Variants in TMEM87B observed in about 807,000 individuals in gnomAD.
The protein encoded by TMEM87B is transmembrane protein 87B.
TMEM87B carries 83 observed loss-of-function variants against 80.3 expected under a neutral mutation model. That is an observed-to-expected ratio of 1.03 (90% CI 0.87 to 1.24). The LOEUF (loss-of-function observed/expected upper bound fraction) is 1.24. Ranked by LOEUF, TMEM87B falls within the 50% of genes most tolerant of loss-of-function variation. TMEM87B has a pLI of 0.00. For missense variants in TMEM87B, 625 were observed against 674.4 expected, an observed-to-expected ratio of 0.93 and a Z score of 0.81; for synonymous variants, 219 against 230.5, an observed-to-expected ratio of 0.95 and a Z score of 0.45.
At chr2:112,084,830 C>T (rs980180228) in intron 8 of TMEM87B, among the ~76,000 whole-genome samples, 4 of 152,186 alleles carry the variant, frequency 2.6e-5, no homozygotes, top group African/African-American at 9.7e-5. Context: ...TGTTCCTCTC[C>T]AAACCATTGT....
At position 112,059,900 on chromosome 2, in the gene TMEM87B, C is replaced by T. The variant is rs970746942; in HGVS notation, c.166-77C>T. 3.3e-6 allele frequency: 5 copies of T among 1,524,964 alleles called. No homozygotes were observed. In the African/African-American group the frequency reaches 5.6e-5, roughly 17 times the overall value. 94.5% of individuals were successfully genotyped at this position (1,524,964 alleles called of 1,614,324 possible). ...AGAGAGAGGAGTGCAAGGCTTAGAA[C>T]TCTATATGTTGTGGGGTAAAACAGT... On this transcript the variant is annotated intron_variant, in intron 1 of 18. Coordinates refer to ENST00000283206, the MANE Select transcript of TMEM87B (RefSeq NM_032824.3).
chr2:112,067,746 C>T (rs1678480029), intron 4 of TMEM87B, among the ~76,000 whole-genome samples: 1 of 152,236 alleles, frequency 6.6e-6, no homozygotes, highest in African/African-American at 2.4e-5. Flanking sequence ...TTGCATCCAT[C>T]ATCCCATCAA....
intron 15 of TMEM87B, 134 bp downstream of exon 15, chr2:112,100,829 C>G (rs960868055): frequency 7.5e-6 from 4 of 530,314 alleles, no homozygotes; most frequent in Non-Finnish European, 1.3e-5. Context: ...TCTTCAGAAA[C>G]CTTATTTTGG....
chr2:112,085,641 G>A (rs963215732), intron 8 of TMEM87B, among the ~76,000 whole-genome samples: 15 of 152,238 alleles, frequency 9.9e-5, no homozygotes, highest in African/African-American at 3.6e-4. Flanking sequence ...TACATGATGA[G>A]GAGATCCTGG....
At chr2:112,106,795 T>C (rs1233264481) in intron 16 of TMEM87B, among the ~76,000 whole-genome samples, 1 of 152,228 alleles carries the variant, frequency 6.6e-6, no homozygotes, top group Non-Finnish European at 1.5e-5. Flanking sequence ...TCTGACACGA[T>C]AGATAATATG....
At chr2:112,062,532 G>A (rs11690440) in intron 2 of TMEM87B, among the ~76,000 whole-genome samples, 34,074 of 152,168 alleles carry the variant, frequency 0.22, 4,231 homozygotes, top group Middle Eastern at 0.39. Flanking sequence ...CATACTGTCA[G>A]TTCTTCCCAG....
chr2:112,111,350 A>G (rs937988816), intron 17 of TMEM87B, among the ~76,000 whole-genome samples: 7 of 152,210 alleles, frequency 4.6e-5, no homozygotes, highest in African/African-American at 1.2e-4. Context: ...CTGGAAACCA[A>G]TAAGGCTCCT....
At chr2:112,077,088 A>G (rs1160142376) in intron 5 of TMEM87B, 104 bp from the exon 6 acceptor site, 1 of 537,838 alleles carries the variant, frequency 1.9e-6, no homozygotes, top group Non-Finnish European at 3.2e-6. Flanking sequence ...AAATTTAAAA[A>G]GTAACCCGAT....
chr2:112,095,479 A>AT (rs1228644747), intron 11 of TMEM87B: 4 of 972,686 alleles, frequency 4.1e-6, no homozygotes, highest in Admixed American at 6.2e-5. Flanking sequence ...GCTTAAAAAC[A>AT]TTTTTTTAAA....
At chr2:112,068,821 A>G (rs1416182410) in intron 4 of TMEM87B, among the ~76,000 whole-genome samples, 1 of 152,162 alleles carries the variant, frequency 6.6e-6, no homozygotes, top group African/African-American at 2.4e-5. Context: ...TGGCAACACT[A>G]TCCTCATTAA....
rs1305252259 is a variant in TMEM87B, at chr2:112,061,011, A to G, written c.226+974A>G. Among the ~76,000 whole-genome samples the G allele has an allele frequency of 3.3e-5, 5 of 152,220 alleles. No homozygotes were observed. The East Asian group carries it at 9.6e-4, about 29-fold the overall frequency. Reference sequence around the variant, plus strand: ...TGCTTTTACGAATATATGAAATGTCATGATTGTGATAAACCCTTTATGGCC... The same window carrying G: ...TGCTTTTACGAATATATGAAATGTCGTGATTGTGATAAACCCTTTATGGCC... On this transcript the variant is annotated intron_variant, in intron 2 of 18. Coordinates refer to ENST00000283206, the MANE Select transcript of TMEM87B (RefSeq NM_032824.3).
At position 112,097,305 on chromosome 2, in the gene TMEM87B, TC is replaced by T; in HGVS notation, c.1272+16del. On this transcript the variant is annotated intron_variant, in intron 13 of 18. Transcript: ENST00000283206. ...AAATGCCAATCAGTAAGTATAACCT[TC>T]CTATTTAAACAGTTATTTTTATTTA... 1 of 1,578,440 alleles carries T rather than the reference TC, an allele frequency of 6.3e-7. No homozygotes were observed. The highest frequency in any genetic ancestry group is 8.6e-7 in the Non-Finnish European group (1 of 1,164,018).
chr2:112,082,226 G>A (rs1245913647), intron 8 of TMEM87B, among the ~76,000 whole-genome samples: 3 of 152,184 alleles, frequency 2.0e-5, no homozygotes, highest in Non-Finnish European at 2.9e-5. Context: ...AGTTACAAAT[G>A]ATCTTGGTGC....
At chr2:112,095,150 T>C (rs1679421863) in intron 11 of TMEM87B, 3 of 941,130 alleles carry the variant, frequency 3.2e-6, no homozygotes, top group South Asian at 9.9e-5. Context: ...CGTTTCTCTT[T>C]TCTTTTCTTT....
At chr2:112,105,419 T>C (rs1679739303) in intron 15 of TMEM87B, among the ~76,000 whole-genome samples, 1 of 152,164 alleles carries the variant, frequency 6.6e-6, no homozygotes, top group Admixed American at 6.5e-5. Flanking sequence ...GAGGTAGAAA[T>C]TATTATTATC....
Position 112,112,919 on chromosome 2 carries a change from A to ATTC in TMEM87B, c.1599_1601dup (p.Ser534dup). ...TTCAGAGCTCTTCCAGTGTTAGTGG[A>ATTC]TTCAGATGAGGTAAAATATATTTTT... On this transcript the variant is annotated inframe_insertion, in exon 18 of 19. Coordinates refer to ENST00000283206, the MANE Select transcript of TMEM87B (RefSeq NM_032824.3). 6.2e-7 allele frequency: 1 copy of ATTC among 1,612,920 alleles called. No individual in the cohort carries two copies. Among genetic ancestry groups the ATTC allele is most frequent in the Middle Eastern group, 1.7e-4 (1 of 6,060 alleles).
chr2:112,092,526 G>A (rs1679334729), intron 11 of TMEM87B, among the ~76,000 whole-genome samples: 1 of 152,204 alleles, frequency 6.6e-6, no homozygotes, highest in South Asian at 2.1e-4. Context: ...AGATGACGTG[G>A]GAAAGGAGAG....
chr2:112,089,314 CTT>C (rs1290800630), intron 9 of TMEM87B, among the ~76,000 whole-genome samples: 1 of 152,238 alleles, frequency 6.6e-6, no homozygotes, highest in Non-Finnish European at 1.5e-5. Context: ...TCAACCTACT[CTT>C]CCATTCTATA....
chr2:112,055,762 T>G lies in TMEM87B; in HGVS notation c.165+6T>G, dbSNP rs757097836. The G allele has an allele frequency of 2.7e-6, 4 of 1,473,344 alleles. No homozygotes were observed. Among genetic ancestry groups the G allele is most frequent in the African/African-American group, 1.5e-5 (1 of 67,810 alleles). 91.3% of individuals were successfully genotyped at this position (1,473,344 alleles called of 1,614,324 possible). A position where few individuals can be genotyped will look rare whatever the true frequency, so the allele number is the denominator to read the frequency against. On this transcript the variant is annotated splice_donor_region_variant and intron_variant, in intron 1 of 18. Coordinates refer to ENST00000283206, the MANE Select transcript of TMEM87B (RefSeq NM_032824.3). The stretch of plus-strand genomic sequence containing the variant: ...GGTTAGAGACAGTCAACGACGTAAG[T>G]GGAGTGTCGGGACCCAGGCGTGGCA...
Sources: allele counts gnomAD v4.1 joint callset (sites outside exome capture counted in the v4.1 genomes callset), GRCh38; gene constraint gnomAD v4.1.1; transcripts MANE v1.5; gene names NCBI Gene and HGNC (gene_info 2026-07-23, HGNC 2026-07-21).